The following PDE2A variants were observed in gnomAD, a reference collection of about 807,000 sequenced individuals.
PDE2A encodes cGMP-dependent 3',5'-cyclic phosphodiesterase.
Under a neutral mutation model 133.6 loss-of-function variants are expected in PDE2A, and 53 were observed. The ratio of observed to expected loss-of-function variants is 0.40; its 90% CI spans 0.32 to 0.50. The LOEUF (loss-of-function observed/expected upper bound fraction) is 0.50, where lower values mean the gene tolerates loss of function less well. Ranked by LOEUF, PDE2A falls within the 20% of genes least tolerant of loss-of-function variation. PDE2A has a pLI of 0.73. For missense variants in PDE2A, 796 were observed against 1,232.4 expected, an observed-to-expected ratio of 0.65 and a Z score of 5.30; for synonymous variants, 491 against 490.2, an observed-to-expected ratio of 1.00 and a Z score of -0.02.
rs142786372 is a variant in PDE2A, at chr11:72,656,800, G to C, written c.72-14474C>G. 2.1e-3 allele frequency among the ~76,000 whole-genome samples: 327 copies of C among 152,102 alleles called. 1 individual carries two copies. Among genetic ancestry groups the C allele is most frequent in the Non-Finnish European group, 3.6e-3 (247 of 68,000 alleles). The stretch of plus-strand genomic sequence containing the variant: ...CCTGTACTCTCAGTCTGTCTCTAGT[G>C]ACTTAAGCTTGAGCAAGTCACTTTC... On this transcript the variant is annotated intron_variant, in intron 1 of 30. Coordinates refer to ENST00000334456, the MANE Select transcript of PDE2A (RefSeq NM_002599.5).
At chr11:72,606,201 C>G (rs900895052) in intron 3 of PDE2A, among the ~76,000 whole-genome samples, 5 of 151,886 alleles carry the variant, frequency 3.3e-5, no homozygotes, top group Non-Finnish European at 7.4e-5. Context: ...AACTGGCAAC[C>G]CTTCGGGATC....
intron 30 of PDE2A, 109 bp from the exon 31 acceptor site, chr11:72,577,703 T>C: frequency 2.6e-6 from 2 of 765,302 alleles, no homozygotes; most frequent in Non-Finnish European, 2.2e-6. Flanking sequence ...CCAGGTACGG[T>C]AGCTCACGCC....
rs372859341 is a variant in PDE2A, at chr11:72,589,922, G to A, written c.816C>T (p.Leu272=). ...CCLLLVSEDN[L]QLSCKVIGDK... ...GGGCCCTCACCTTGCAAGAAAGCTG[G>A]AGATTGTCCTCCGACACCAGCAGGA... The change falls in exon 10 of 31, where the codon CTC becomes CTT. Residue 272 remains leucine, a synonymous_variant. Coordinates refer to ENST00000334456, the MANE Select transcript of PDE2A (RefSeq NM_002599.5). The A allele has an allele frequency of 6.2e-7, 1 of 1,613,098 alleles. No individual in the cohort carries two copies. Among genetic ancestry groups the A allele is most frequent in the East Asian group, 2.2e-5 (1 of 44,844 alleles).
intron 12 of PDE2A, 107 bp downstream of exon 12, chr11:72,589,068 G>T: frequency 1.6e-6 from 2 of 1,234,124 alleles, no homozygotes; most frequent in Non-Finnish European, 2.3e-6. Flanking sequence ...AAGTCCCCAG[G>T]TCTTATCTGC....
Position 72,577,523 on chromosome 11 carries a change from G to T in PDE2A, c.2687C>A (p.Thr896Asn). 6.2e-7 allele frequency: 1 copy of T among 1,612,740 alleles called. No individual in the cohort carries two copies. The highest frequency in any genetic ancestry group is 8.5e-7 in the Non-Finnish European group (1 of 1,180,004). ...ERVASNREHW[T>N]KVSHKFTIRG... ...GATGGTGAACTTGTGGGACACCTTGGTCCAGTGCTCACGGTTGGAGGCCAC... is the reference window on the plus strand; with the variant it reads ...GATGGTGAACTTGTGGGACACCTTGTTCCAGTGCTCACGGTTGGAGGCCAC... The change falls in exon 31 of 31, where the codon ACC (threonine) becomes AAC (asparagine). Residue 896 changes from threonine (T) to asparagine (N), a missense_variant. Physicochemically the swap from Thr to Asn is moderately conservative, Grantham distance 65. Around this residue, in one of 7 missense-constraint regions of PDE2A, gnomAD observed 83 missense variants for 99.0 expected, o/e 0.84. Coordinates refer to ENST00000334456, the MANE Select transcript of PDE2A (RefSeq NM_002599.5).
intron 4 of PDE2A, among the ~76,000 whole-genome samples, chr11:72,602,692 C>T (rs1454288465): frequency 6.6e-6 from 1 of 152,220 alleles, no homozygotes; most frequent in South Asian, 2.1e-4. Context: ...AATCACTGAG[C>T]TCCTACTGTG....
rs148133757 is a variant in PDE2A, at chr11:72,578,991, T to C, written c.2375A>G (p.Asn792Ser). 4 of 1,613,292 alleles carry C rather than the reference T, an allele frequency of 2.5e-6. No homozygotes were observed. The African/African-American group carries it at 4.0e-5, about 16-fold the overall frequency. Residue 792 changes from asparagine (N) to serine (S), a missense_variant, in exon 28 of 31, where the codon AAC becomes AGC. This residue lies in a region of PDE2A where 19 missense variants were observed against 16.0 expected (regional missense o/e 1.18). Coordinates refer to ENST00000334456, the MANE Select transcript of PDE2A (RefSeq NM_002599.5). This position sits in a 1 kb window ranked among gnomAD's most constrained non-coding sequence, Gnocchi z 4.2. Reference protein sequence around the residue: ...KMAEVGYDRNNKQHHRLLLCL... With the variant: ...KMAEVGYDRNSKQHHRLLLCL... ...GAGGAGAAGTCTGTGGTGCTGCTTG[T>C]TGTTTCGGTCGTAGCCCACTGTTGA...
At chr11:72,606,898 C>T (rs1565166337) in intron 3 of PDE2A, among the ~76,000 whole-genome samples, 1 of 152,204 alleles carries the variant, frequency 6.6e-6, no homozygotes, top group Non-Finnish European at 1.5e-5. Flanking sequence ...TTAGCTGAGT[C>T]TATTGGAGAG....
chr11:72,585,114 GTTTT>G (rs5792596), intron 16 of PDE2A, 170 bp from the exon 17 acceptor site: 31 of 594,162 alleles, frequency 5.2e-5, no homozygotes, highest in Admixed American at 1.2e-4. Context: ...CAAGTGTTTT[GTTTT>G]TTTTTTTTTT....
intron 2 of PDE2A, among the ~76,000 whole-genome samples, chr11:72,625,198 C>T (rs1166817270): frequency 1.3e-5 from 2 of 152,248 alleles, no homozygotes; most frequent in African/African-American, 4.8e-5. Context: ...CCCACTCCAA[C>T]ATTCCGGCTG....
intron 1 of PDE2A, 80 bp downstream of exon 1, chr11:72,674,057 G>A (rs1855446359): frequency 1.4e-6 from 2 of 1,425,800 alleles, no homozygotes; most frequent in South Asian, 1.2e-5. Context: ...GCCAACCCCA[G>A]CTCCTTGGAG....
At chr11:72,582,644 G>A in intron 20 of PDE2A, 78 bp from the exon 21 acceptor site, 1 of 1,428,248 alleles carries the variant, frequency 7.0e-7, no homozygotes, top group Non-Finnish European at 9.6e-7. Flanking sequence ...CCCATGGCAG[G>A]TGGGGGATCC....
At chr11:72,583,417 A>G (rs1216657205) in intron 20 of PDE2A, 21 bp downstream of exon 20, 1 of 1,557,492 alleles carries the variant, frequency 6.4e-7, no homozygotes, top group Non-Finnish European at 8.9e-7. Context: ...GAGGAGGACC[A>G]GAGGTCTCTG....
intron 4 of PDE2A, among the ~76,000 whole-genome samples, chr11:72,604,349 CT>C (rs1346692380): frequency 6.6e-6 from 1 of 152,232 alleles, no homozygotes; most frequent in Non-Finnish European, 1.5e-5. Context: ...TTGGTCATGT[CT>C]CATGATATCC....
chr11:72,638,679 T>A (rs1858817450), intron 2 of PDE2A, among the ~76,000 whole-genome samples: 1 of 100,628 alleles, frequency 9.9e-6, no homozygotes, highest in Non-Finnish European at 2.6e-5. Context: ...GACAATTGCA[T>A]GAGTTAACCT....
chr11:72,623,206 C>G (rs951831146), intron 2 of PDE2A, among the ~76,000 whole-genome samples: 4 of 152,158 alleles, frequency 2.6e-5, no homozygotes, highest in African/African-American at 7.2e-5. Context: ...CTGACTCACC[C>G]ACAGTGCCCA....
At chr11:72,605,734 C>T (rs142032428) in intron 3 of PDE2A, among the ~76,000 whole-genome samples, 7 of 152,248 alleles carry the variant, frequency 4.6e-5, no homozygotes, top group Non-Finnish European at 8.8e-5. Flanking sequence ...CAGGGCACTG[C>T]GCCATCCTCC....
At position 72,643,980 on chromosome 11, in the gene PDE2A, C is replaced by A. The variant is rs549379791; in HGVS notation, c.72-1654G>T. Among the ~76,000 whole-genome samples the A allele has an allele frequency of 3.3e-5, 5 of 152,270 alleles. No homozygotes were observed. The East Asian group carries it at 5.8e-4, about 18-fold the overall frequency. ...TACAGCTGAACCCTTGCTTGGTCAT[C>A]CAGCTCTGACTCCCCTCCCCACCAT... On this transcript the variant is annotated intron_variant, in intron 1 of 30. Coordinates refer to ENST00000334456, the MANE Select transcript of PDE2A (RefSeq NM_002599.5).
At chr11:72,671,698 G>C (rs1413063989) in intron 1 of PDE2A, among the ~76,000 whole-genome samples, 2 of 152,126 alleles carry the variant, frequency 1.3e-5, no homozygotes, top group African/African-American at 2.4e-5. Context: ...GAGGTTCCGG[G>C]CAGGGCCTGA....
Sources: allele counts gnomAD v4.1 joint callset (sites outside exome capture counted in the v4.1 genomes callset), GRCh38; gene constraint gnomAD v4.1.1; regional missense constraint gnomAD v4.1.1; non-coding constraint Gnocchi (gnomAD v3.1); transcripts MANE v1.5; gene names NCBI Gene and HGNC (gene_info 2026-07-23, HGNC 2026-07-21).